The following LIG1 variants were observed in gnomAD, a reference collection of about 807,000 sequenced individuals.
LIG1 encodes DNA ligase 1, also known as ligase I, DNA, ATP-dependent.
In LIG1, 70 loss-of-function variants were observed where a neutral mutation model predicts 115.7. The observed-to-expected ratio is 0.60, with a 90% CI of 0.50 to 0.74. The LOEUF (loss-of-function observed/expected upper bound fraction) is 0.74. Among genes scored for constraint, LIG1 ranks in the 30% least tolerant of loss-of-function variants. LIG1 has a pLI of 0.00. For missense variants in LIG1, 1,115 were observed against 1,225.6 expected, an observed-to-expected ratio of 0.91 and a Z score of 1.35; for synonymous variants, 487 against 495.3, an observed-to-expected ratio of 0.98 and a Z score of 0.22.
chr19:48,117,929 A>C (rs1406080093), intron 25 of LIG1, 148 bp from the exon 26 acceptor site: 1 of 775,868 alleles, frequency 1.3e-6, no homozygotes, highest in Admixed American at 2.1e-5. Context: ...AGGGAAAAGA[A>C]ACAAGACACC....
intron 17 of LIG1, among the ~76,000 whole-genome samples, 178 bp downstream of exon 17, chr19:48,133,803 C>T (rs1006938140): frequency 3.3e-5 from 5 of 152,140 alleles, no homozygotes; most frequent in Non-Finnish European, 7.4e-5. Context: ...ATCTACTCCA[C>T]AAGGGGAAAT....
chr19:48,146,667 C>G (rs1404871859), intron 9 of LIG1, among the ~76,000 whole-genome samples: 1 of 152,092 alleles, frequency 6.6e-6, no homozygotes, highest in African/African-American at 2.4e-5. Flanking sequence ...GCAGCAAGAG[C>G]AAAACTCCGT....
intron 5 of LIG1, 38 bp downstream of exon 5, chr19:48,156,976 G>T: frequency 2.1e-6 from 3 of 1,428,460 alleles, no homozygotes; most frequent in Non-Finnish European, 2.8e-6. Flanking sequence ...AAAAAGAAAG[G>T]CAGGCGACTG....
chr19:48,161,438 C>G lies in LIG1; in HGVS notation c.177G>C (p.Lys59Asn), dbSNP rs2036170737. The G allele has an allele frequency of 6.2e-7, 1 of 1,614,168 alleles. No homozygotes were observed. Among genetic ancestry groups the G allele is most frequent in the African/African-American group, 1.3e-5 (1 of 75,032 alleles). The change falls in exon 4 of 28, where the codon AAG (lysine) becomes AAC (asparagine). Residue 59 changes from lysine to asparagine, a missense_variant. Lys to Asn is a moderately conservative substitution (Grantham distance 94). Transcript: ENST00000263274. ...CTTCGCTGCCCAGGACCCGGGCCGC[C>G]TTCCTCCCTGGCCTCTTCACCGGAG... ...SDSPVKRPGR[K>N]AARVLGSEGE...
At chr19:48,169,505 G>C (rs2036655877) in intron 1 of LIG1, 1 of 152,304 alleles carries the variant, frequency 6.6e-6, no homozygotes, top group Admixed American at 6.5e-5. Context: ...CAAGAGGTAA[G>C]CTCCATCCCT....
chr19:48,124,217 C>T (rs1205448254), intron 21 of LIG1, among the ~76,000 whole-genome samples: 7 of 152,224 alleles, frequency 4.6e-5, no homozygotes, highest in Admixed American at 4.6e-4. Context: ...TTTCCATGGA[C>T]AGCTTTTTTC....
Position 48,143,687 on chromosome 19 carries a change from G to T in LIG1, c.858-88C>A. The stretch of plus-strand genomic sequence containing the variant: ...CACCCTTGCTTCCTCACGCCTCCTC[G>T]GGACACCCTTGCCAATACCCAAATG... On this transcript the variant is annotated intron_variant, in intron 10 of 27. Transcript: ENST00000263274. 4 of 1,247,820 alleles carry T rather than the reference G, an allele frequency of 3.2e-6. No homozygotes were observed. The South Asian group carries it at 3.6e-5, about 11-fold the overall frequency. The allele number at this position is 1,247,820 out of a possible 1,614,324, so 77.3% of individuals were successfully genotyped here.
intron 18 of LIG1, 44 bp downstream of exon 18, chr19:48,132,937 TG>T (rs2034136122): frequency 2.1e-6 from 3 of 1,415,568 alleles, no homozygotes; most frequent in Non-Finnish European, 3.0e-6. Context: ...CCCTGCTCTT[TG>T]ACGTTTTCCT....
chr19:48,123,743 G>A (rs376424084), intron 21 of LIG1: 3 of 281,688 alleles, frequency 1.1e-5, no homozygotes, highest in Middle Eastern at 1.3e-3. Context: ...TCGGCCTCCC[G>A]AGTAGCTGGG....
intron 26 of LIG1, 27 bp from the exon 27 acceptor site, chr19:48,115,992 C>T (rs142452745): frequency 6.4e-6 from 10 of 1,569,038 alleles, no homozygotes; most frequent in Non-Finnish European, 7.0e-6. Flanking sequence ...GAGACTCCTG[C>T]GGTCCAGCCC....
intron 18 of LIG1, among the ~76,000 whole-genome samples, chr19:48,131,787 G>T (rs2034039685): frequency 6.6e-6 from 1 of 152,192 alleles, no homozygotes; most frequent in South Asian, 2.1e-4. Flanking sequence ...CTTGAGCAGG[G>T]CGGCATATAT....
At position 48,153,995 on chromosome 19, in the gene LIG1, T is replaced by C. The variant is rs56218132; in HGVS notation, c.371-28A>G. 5.1e-5 allele frequency: 81 copies of C among 1,592,266 alleles called. No individual in the cohort carries two copies. In the African/African-American group the frequency reaches 8.9e-4, roughly 17 times the overall value. ...GGGGAGGCAAAGGGCTTGGTGTATC[T>C]GACCTCGCTGGCTCGTGTGCTCCCA... On this transcript the variant is annotated intron_variant, in intron 5 of 27. Transcript: ENST00000263274.
chr19:48,149,759 T>G lies in LIG1; in HGVS notation c.776+4A>C, dbSNP rs1347258770. The G allele has an allele frequency of 1.2e-6, 2 of 1,612,396 alleles. No individual in the cohort carries two copies. Among genetic ancestry groups the G allele is most frequent in the African/African-American group, 2.7e-5 (2 of 74,874 alleles). On this transcript the variant is annotated splice_donor_region_variant and intron_variant, in intron 9 of 27. Transcript: ENST00000263274. ...AACCTTTCCAGACCTGGACACTGAC[T>G]CACCCCTCAGCAGCTCCCTCCTTTC...
At chr19:48,149,973 T>C in intron 8 of LIG1, 115 bp downstream of exon 8, 2 of 1,581,958 alleles carry the variant, frequency 1.3e-6, no homozygotes, top group Admixed American at 3.5e-5. Context: ...AGGCCGACTT[T>C]CCAACCAGCA....
At position 48,117,760 on chromosome 19, in the gene LIG1, G is replaced by A. The variant is rs1452728442; in HGVS notation, c.2461C>T (p.Arg821Cys). The change falls in exon 26 of 28, where the codon CGC becomes TGC. Residue 821 changes from arginine (R) to cysteine (C), a missense_variant. Transcript: ENST00000263274. The stretch of plus-strand genomic sequence containing the variant: ...GCGCCATCTATCCGCACGTAAGGGC[G>A]TGGGCTGGGCAGCACCAGCGCCTGC... ...SLKALVLPSPRPYVRIDGAVI... is the reference protein window; with the variant it reads ...SLKALVLPSPCPYVRIDGAVI... 6.8e-6 allele frequency: 11 copies of A among 1,613,004 alleles called. No homozygotes were observed. The highest frequency in any genetic ancestry group is 3.3e-5 in the South Asian group (3 of 90,648).
Position 48,153,772 on chromosome 19 carries a change from AC to A in LIG1, c.466+99del. Reference sequence around the variant, plus strand: ...CACACACACACACACACACACACACACCTCTCCTTCTGGGGGCTCACCTTCC... The same window carrying A: ...CACACACACACACACACACACACACACTCTCCTTCTGGGGGCTCACCTTCC... On this transcript the variant is annotated intron_variant, in intron 6 of 27. Transcript: ENST00000263274. 3 of 343,458 alleles carry A rather than the reference AC, an allele frequency of 8.7e-6. 1 individual carries two copies. Among genetic ancestry groups the A allele is most frequent in the Non-Finnish European group, 1.5e-5 (3 of 205,222 alleles). The allele number at this position is 343,458 out of a possible 1,614,324, so 21.3% of individuals were successfully genotyped here. A position where few individuals can be genotyped will look rare whatever the true frequency, so the allele number is the denominator to read the frequency against.
At chr19:48,134,868 G>A (rs2034280056) in intron 16 of LIG1, among the ~76,000 whole-genome samples, 2 of 152,246 alleles carry the variant, frequency 1.3e-5, no homozygotes, top group African/African-American at 4.8e-5. Flanking sequence ...GGCCATCTGT[G>A]GAACTGCCAT....
At chr19:48,124,530 G>A (rs760151574) in intron 21 of LIG1, among the ~76,000 whole-genome samples, 34 of 152,164 alleles carry the variant, frequency 2.2e-4, no homozygotes, top group African/African-American at 1.2e-4. Flanking sequence ...AAGTTCAATC[G>A]GAGATGTGCC....
At position 48,151,357 on chromosome 19, in the gene LIG1, G is replaced by C; in HGVS notation, c.467-18C>G. 1 of 1,485,678 alleles carries C rather than the reference G, an allele frequency of 6.7e-7. No homozygotes were observed. The highest frequency in any genetic ancestry group is 9.4e-7 in the Non-Finnish European group (1 of 1,062,930). The allele number at this position is 1,485,678 out of a possible 1,614,324, so 92.0% of individuals were successfully genotyped here. A position where few individuals can be genotyped will look rare whatever the true frequency, so the allele number is the denominator to read the frequency against. ...CTCCTCTTCTGACGATAGACAGAAC[G>C]GTCAGATGGCAAAAAAATCCCATTG... On this transcript the variant is annotated intron_variant, in intron 6 of 27. Coordinates refer to ENST00000263274, the MANE Select transcript of LIG1 (RefSeq NM_000234.3).
Sources: allele counts gnomAD v4.1 joint callset (sites outside exome capture counted in the v4.1 genomes callset), GRCh38; gene constraint gnomAD v4.1.1; transcripts MANE v1.5; gene names NCBI Gene and HGNC (gene_info 2026-07-23, HGNC 2026-07-21).